The following NCKAP5 variants were observed in gnomAD, a reference collection of about 807,000 sequenced individuals.
NCKAP5 encodes nck-associated protein 5.
A neutral mutation model predicts 167.0 loss-of-function variants in NCKAP5; 92 were observed. That is an observed-to-expected ratio of 0.55 (90% CI 0.47 to 0.66). The LOEUF (loss-of-function observed/expected upper bound fraction) is 0.66, where lower values mean the gene tolerates loss of function less well. NCKAP5 is among the 30% of genes least tolerant of loss of function. The probability of loss-of-function intolerance (pLI) is 0.00; values close to 1 mark genes in which losing one functional copy is unlikely to be tolerated. For missense variants in NCKAP5, 2,378 were observed against 2,315.0 expected, an observed-to-expected ratio of 1.03 and a Z score of -0.56; for synonymous variants, 891 against 877.4, an observed-to-expected ratio of 1.02 and a Z score of -0.27.
Position 133,189,112 on chromosome 2 carries a change from G to C in NCKAP5, c.207+24604C>G, listed in dbSNP as rs138907781. 3.8e-4 allele frequency among the ~76,000 whole-genome samples: 58 copies of C among 152,044 alleles called. 1 individual carries two copies. The East Asian group carries it at 0.01, about 27-fold the overall frequency. ...AAATGATAAAGGGGATATCATCACCGATCCCACAGAAATACAAACTACCAT... is the reference window on the plus strand; with the variant it reads ...AAATGATAAAGGGGATATCATCACCCATCCCACAGAAATACAAACTACCAT... On this transcript the variant is annotated intron_variant, in intron 5 of 19. Transcript: ENST00000409261.
intron 8 of NCKAP5, among the ~76,000 whole-genome samples, chr2:132,892,945 T>G (rs142970969): frequency 6.9e-6 from 1 of 144,380 alleles, no homozygotes; most frequent in Non-Finnish European, 1.5e-5. Flanking sequence ...GGAAAAAGAC[T>G]GAGAATTTCT....
chr2:133,366,991 G>A (rs1384354763), intron 3 of NCKAP5, among the ~76,000 whole-genome samples: 6 of 152,092 alleles, frequency 3.9e-5, no homozygotes, highest in African/African-American at 4.8e-5. Context: ...CCCAAACAGC[G>A]ATTGGCTGAT....
At chr2:133,415,007 T>A (rs72846338) in intron 3 of NCKAP5, among the ~76,000 whole-genome samples, 3,170 of 152,308 alleles carry the variant, frequency 0.021, 52 homozygotes, top group Middle Eastern at 0.048. Flanking sequence ...TGACCTGCAA[T>A]ATGCTCACTC....
chr2:132,737,618 C>A (rs1395983984), intron 16 of NCKAP5, among the ~76,000 whole-genome samples: 6 of 152,144 alleles, frequency 3.9e-5, no homozygotes, highest in African/African-American at 1.2e-4. Flanking sequence ...TGTTACCCTG[C>A]TGCTCCCTAC....
intron 2 of NCKAP5, chr2:133,527,085 A>C (rs1043338796): frequency 6.6e-6 from 1 of 151,978 alleles, no homozygotes; most frequent in Non-Finnish European, 1.5e-5. Flanking sequence ...TTCTTTGAGC[A>C]GGCTGTGGAG....
intron 3 of NCKAP5, among the ~76,000 whole-genome samples, chr2:133,465,322 T>A (rs1355685822): frequency 3.3e-5 from 5 of 152,152 alleles, no homozygotes; most frequent in Middle Eastern, 6.8e-3. Flanking sequence ...TCCATGTCCC[T>A]ACAAAGGACA....
In NCKAP5 at chr2:133,523,539, G is replaced by A. The variant is rs559730465; in HGVS notation, c.-61-5952C>T. Among the ~76,000 whole-genome samples the A allele has an allele frequency of 2.4e-4, 37 of 152,262 alleles. No individual in the cohort carries two copies. In the South Asian group the frequency reaches 4.6e-3, roughly 19 times the overall value. On this transcript the variant is annotated intron_variant, in intron 2 of 19. Coordinates refer to ENST00000409261, the MANE Select transcript of NCKAP5 (RefSeq NM_207363.3). The stretch of plus-strand genomic sequence containing the variant: ...TTTCTTTGCCATGTAAATTTGAGTA[G>A]ATTCCTAACTTCTCTGAGTTTACAT...
intron 3 of NCKAP5, among the ~76,000 whole-genome samples, chr2:133,395,535 G>T (rs1220590205): frequency 6.6e-6 from 1 of 152,072 alleles, no homozygotes; most frequent in East Asian, 1.9e-4. Context: ...TGAATTCTTG[G>T]AATTATCAGA....
intron 11 of NCKAP5, among the ~76,000 whole-genome samples, chr2:132,856,864 G>C (rs1689511116): frequency 6.6e-6 from 1 of 152,194 alleles, no homozygotes; most frequent in Non-Finnish European, 1.5e-5. Flanking sequence ...CGCAGAGGGA[G>C]CACCAATTGG....
At chr2:132,806,042 G>A (rs1011756675) in intron 11 of NCKAP5, among the ~76,000 whole-genome samples, 7 of 152,114 alleles carry the variant, frequency 4.6e-5, no homozygotes, top group African/African-American at 1.2e-4. Flanking sequence ...TTTTCCATTT[G>A]TGAGTTACTT....
intron 6 of NCKAP5, among the ~76,000 whole-genome samples, chr2:133,050,161 T>A (rs1198694827): frequency 6.6e-6 from 1 of 152,194 alleles, no homozygotes; most frequent in Admixed American, 6.5e-5. Flanking sequence ...GTAGTCAAAG[T>A]GTAAGCCACT....
At chr2:133,113,232 A>C (rs1291667712) in intron 6 of NCKAP5, among the ~76,000 whole-genome samples, 1 of 151,254 alleles carries the variant, frequency 6.6e-6, no homozygotes, top group Non-Finnish European at 1.5e-5. Context: ...AATATGTTTC[A>C]AGCTGGTGTT....
chr2:133,008,783 GAAAACAAAAC>G (rs996104069), intron 6 of NCKAP5, among the ~76,000 whole-genome samples: 2 of 152,100 alleles, frequency 1.3e-5, no homozygotes, highest in Non-Finnish European at 2.9e-5. Flanking sequence ...ATGTTAGATT[GAAAACAAAAC>G]AAAACAAAAC....
intron 6 of NCKAP5, among the ~76,000 whole-genome samples, chr2:133,041,036 C>T (rs757695056): frequency 2.6e-5 from 4 of 152,176 alleles, no homozygotes; most frequent in Non-Finnish European, 5.9e-5. Flanking sequence ...TATGCAGAAG[C>T]AACATCCTAA....
intron 4 of NCKAP5, among the ~76,000 whole-genome samples, chr2:133,299,251 T>A (rs1424293037): frequency 6.6e-6 from 1 of 152,058 alleles, no homozygotes; most frequent in Non-Finnish European, 1.5e-5. Flanking sequence ...ACCCAAGACC[T>A]AGAACGCCTG....
chr2:132,726,471 C>T (rs1690466256), intron 18 of NCKAP5, among the ~76,000 whole-genome samples: 1 of 152,168 alleles, frequency 6.6e-6, no homozygotes, highest in Admixed American at 6.5e-5. Context: ...CCCCTCTGTG[C>T]ACATAAGCAG....
intron 11 of NCKAP5, among the ~76,000 whole-genome samples, chr2:132,841,657 A>G (rs1279776734): frequency 6.6e-6 from 1 of 152,056 alleles, no homozygotes; most frequent in East Asian, 1.9e-4. Flanking sequence ...GTTGTTATAT[A>G]TACTCTATTA....
At chr2:133,647,473 G>GAAGGGAAGGA in the NCKAP5 span, among the ~76,000 whole-genome samples, 4 of 62,626 alleles carry the variant, frequency 6.4e-5, no homozygotes, top group East Asian at 1.0e-3. Flanking sequence ...AAGGGCAAGG[G>GAAGGGAAGGA]AAGGAAAGGA....
At chr2:133,149,218 A>G (rs2083300883) in intron 5 of NCKAP5, among the ~76,000 whole-genome samples, 2 of 152,206 alleles carry the variant, frequency 1.3e-5, no homozygotes, top group Non-Finnish European at 2.9e-5. Flanking sequence ...TCACTTGAGT[A>G]TGATAAGAAG....
Sources: gnomAD v4.1 joint callset for allele counts (sites outside exome capture counted in the v4.1 genomes callset) on GRCh38, gnomAD v4.1.1 for gene constraint, MANE v1.5 for transcripts, NCBI Gene and HGNC (gene_info 2026-07-23, HGNC 2026-07-21) for gene names.